Variants in IQGAP1 observed in about 807,000 individuals in gnomAD.
IQGAP1 encodes the protein ras GTPase-activating-like protein IQGAP1.
IQGAP1 carries 66 observed loss-of-function variants against 215.6 expected under a neutral mutation model. The observed-to-expected ratio is 0.31, with a 90% CI of 0.25 to 0.38. The LOEUF is 0.38. Ranked by LOEUF, IQGAP1 falls within the 10% of genes least tolerant of loss-of-function variation. The pLI is 1.00. For synonymous variants in IQGAP1, 772 were observed against 728.7 expected (o/e 1.06, Z -0.96); for missense variants, 1,712 against 1,997.1 (o/e 0.86, Z 2.72).
rs117155867 is a variant in IQGAP1, at chr15:90,391,130, C to T, written c.155+257C>T. 1,806 of 311,884 alleles carry T rather than the reference C, an allele frequency of 5.8e-3. 16 individuals carry two copies. The highest frequency in any genetic ancestry group is 9.9e-3 in the Middle Eastern group (9 of 910). The allele number at this position is 311,884 out of a possible 1,614,324, so 19.3% of individuals were successfully genotyped here. A position where few individuals can be genotyped will look rare whatever the true frequency, so the allele number is the denominator to read the frequency against. ...GTGCATGCCAGTAGTCCTAGCTACT[C>T]GGGAGCCTGAGGAGGGAGGATCACT... On this transcript the variant is annotated intron_variant, in intron 2 of 37. Coordinates refer to ENST00000268182, the MANE Select transcript of IQGAP1 (RefSeq NM_003870.4).
intron 8 of IQGAP1, among the ~76,000 whole-genome samples, chr15:90,442,979 A>T (rs1965473184): frequency 6.6e-6 from 1 of 151,930 alleles, no homozygotes; most frequent in Non-Finnish European, 1.5e-5. Context: ...CTCAAAAAAA[A>T]GACAGAATCT....
chr15:90,430,920 T>C (rs1469593545), intron 4 of IQGAP1, among the ~76,000 whole-genome samples: 1 of 148,308 alleles, frequency 6.7e-6, no homozygotes. Flanking sequence ...ATGTATATTA[T>C]ATAGATAAAT....
chr15:90,475,437 A>G (rs754641138), intron 23 of IQGAP1, among the ~76,000 whole-genome samples: 1 of 151,982 alleles, frequency 6.6e-6, no homozygotes, highest in South Asian at 2.1e-4. Context: ...ATGCCCGGCC[A>G]TCATAAGCTT....
At chr15:90,416,621 A>G (rs1369051781) in intron 2 of IQGAP1, among the ~76,000 whole-genome samples, 1 of 145,708 alleles carries the variant, frequency 6.9e-6, no homozygotes, top group Non-Finnish European at 1.5e-5. Flanking sequence ...TCTGTTGCCC[A>G]GGCTGGAGTG....
In IQGAP1 at chr15:90,474,645, C is replaced by G; in HGVS notation, c.2736C>G (p.Leu912=). The G allele has an allele frequency of 6.2e-7, 1 of 1,614,080 alleles. No individual in the cohort carries two copies. The highest frequency in any genetic ancestry group is 8.5e-7 in the Non-Finnish European group (1 of 1,179,968). ...SNQQLENDLN[L]MDIKIGLLVK... The stretch of plus-strand genomic sequence containing the variant: ...AGCAGCTGGAGAATGACCTCAATCT[C>G]ATGGATATCAAAATTGGACTGCTAG... Residue 912 remains leucine (L), a synonymous_variant, in exon 23 of 38, where the codon CTC becomes CTG. Transcript: ENST00000268182.
chr15:90,486,075 C>G lies in IQGAP1; in HGVS notation c.3967C>G (p.Pro1323Ala), dbSNP rs1369383129. Residue 1323 changes from proline to alanine, a missense_variant, in exon 31 of 38, where the codon CCA becomes GCA. By Grantham distance (27) the Pro-to-Ala change is conservative. Transcript: ENST00000268182. ...TGCCATTGCTCCGGAGCACAATGAT[C>G]CAATCCACGAACTGCTGGACGACCT... ...QDAIAPEHND[P>A]IHELLDDLGE... The G allele has an allele frequency of 1.2e-6, 2 of 1,613,946 alleles. No individual in the cohort carries two copies. The highest frequency in any genetic ancestry group is 3.3e-5 in the Admixed American group (2 of 59,992).
chr15:90,424,111 C>A (rs1965187086), intron 2 of IQGAP1, among the ~76,000 whole-genome samples: 1 of 151,564 alleles, frequency 6.6e-6, no homozygotes, highest in African/African-American at 2.4e-5. Flanking sequence ...TTAATGAGAA[C>A]CCAAGTTAGA....
intron 8 of IQGAP1, among the ~76,000 whole-genome samples, chr15:90,442,889 G>A (rs972548464): frequency 1.3e-5 from 2 of 151,740 alleles, no homozygotes; most frequent in Admixed American, 1.3e-4. Flanking sequence ...AGAGAATCAC[G>A]TGAACCCAGG....
Position 90,467,601 on chromosome 15 carries a change from C to T in IQGAP1, c.2178+9C>T. The T allele has an allele frequency of 6.3e-7, 1 of 1,599,384 alleles. No homozygotes were observed. Among genetic ancestry groups the T allele is most frequent in the Non-Finnish European group, 8.5e-7 (1 of 1,175,374 alleles). ...CTCGGGAGGAGATCCAGGTAGGTTA[C>T]CTTTCTTCACGTAAGAAGAAGCTGA... On this transcript the variant is annotated intron_variant, in intron 18 of 37. Coordinates refer to ENST00000268182, the MANE Select transcript of IQGAP1 (RefSeq NM_003870.4).
chr15:90,460,818 G>A (rs1011481554), intron 15 of IQGAP1, among the ~76,000 whole-genome samples: 1 of 151,936 alleles, frequency 6.6e-6, no homozygotes, highest in African/African-American at 2.4e-5. Context: ...GGGCAAGATG[G>A]TAAAACCCTG....
At chr15:90,388,681 A>C (rs1964589147) in intron 1 of IQGAP1, among the ~76,000 whole-genome samples, 1 of 152,056 alleles carries the variant, frequency 6.6e-6, no homozygotes, top group South Asian at 2.1e-4. Flanking sequence ...GGCTCGGCCG[A>C]GATTGGGGAA....
chr15:90,445,264 G>A (rs1261040605), intron 9 of IQGAP1, among the ~76,000 whole-genome samples: 3 of 151,324 alleles, frequency 2.0e-5, no homozygotes, highest in Non-Finnish European at 2.9e-5. Flanking sequence ...CATATAATAC[G>A]AGATAGTGTA....
intron 4 of IQGAP1, among the ~76,000 whole-genome samples, chr15:90,431,784 C>T (rs951201942): frequency 3.9e-5 from 6 of 152,040 alleles, no homozygotes; most frequent in South Asian, 2.1e-4. Context: ...ATTGACAATA[C>T]GTATATGGTG....
At chr15:90,479,803 G>C (rs1465592783) in intron 26 of IQGAP1, among the ~76,000 whole-genome samples, 1 of 152,072 alleles carries the variant, frequency 6.6e-6, no homozygotes, top group Non-Finnish European at 1.5e-5. Flanking sequence ...ATGTAGGTCT[G>C]TTATCAGGAC....
chr15:90,399,986 T>C (rs1964782722), intron 2 of IQGAP1, among the ~76,000 whole-genome samples: 1 of 152,230 alleles, frequency 6.6e-6, no homozygotes, highest in Non-Finnish European at 1.5e-5. Flanking sequence ...GAAGCTAGCT[T>C]AATTTTAACT....
At chr15:90,415,212 A>G (rs1394957630) in intron 2 of IQGAP1, among the ~76,000 whole-genome samples, 2 of 152,204 alleles carry the variant, frequency 1.3e-5, no homozygotes, top group Non-Finnish European at 2.9e-5. Flanking sequence ...ATTACTGGCT[A>G]TATGTATATT....
At position 90,491,548 on chromosome 15, in the gene IQGAP1, A is replaced by G. The variant is rs1422835188; in HGVS notation, c.4461+3A>G. On this transcript the variant is annotated splice_donor_region_variant and intron_variant, in intron 34 of 37. Transcript: ENST00000268182. ...AACTGATCAACGACATTGCCAGGGT[A>G]CTGCATTCGGGGGACAGAGGGGACC... is the stretch of plus-strand genomic sequence containing the variant. 6.2e-7 allele frequency: 1 copy of G among 1,613,162 alleles called. No individual in the cohort carries two copies. The highest frequency in any genetic ancestry group is 2.2e-5 in the East Asian group (1 of 44,876).
rs190515009 is a variant in IQGAP1 at position 90,473,773 on chromosome 15, G to A, written c.2408G>A (p.Arg803His). ...KAYQDRLAYL[R>H]SHKDEVVKIQ... ...TATCAAGATCGGTTAGCTTACCTGC[G>A]CTCCCACAAAGATGAAGTTGTAAAG... Residue 803 changes from arginine to histidine, a missense_variant, in exon 20 of 38, where the codon CGC becomes CAC. Physicochemically the swap from Arg to His is conservative, Grantham distance 29. Around this residue, in one of 2 missense-constraint regions of IQGAP1, gnomAD observed 1,021 missense variants for 1,074.2 expected, o/e 0.95. Coordinates refer to ENST00000268182, the MANE Select transcript of IQGAP1 (RefSeq NM_003870.4). The A allele has an allele frequency of 8.2e-5, 132 of 1,612,070 alleles. No individual in the cohort carries two copies. Among genetic ancestry groups the A allele is most frequent in the Middle Eastern group, 5.0e-4 (3 of 6,060 alleles).
At chr15:90,467,926 C>T (rs1254301676) in intron 18 of IQGAP1, among the ~76,000 whole-genome samples, 1 of 152,160 alleles carries the variant, frequency 6.6e-6, no homozygotes, top group African/African-American at 2.4e-5. Flanking sequence ...CTAACTGTTC[C>T]ACAAATTATA....
Sources: allele counts gnomAD v4.1 joint callset (sites outside exome capture counted in the v4.1 genomes callset), GRCh38; gene constraint gnomAD v4.1.1; regional missense constraint gnomAD v4.1.1; transcripts MANE v1.5; gene names NCBI Gene and HGNC (gene_info 2026-07-23, HGNC 2026-07-21).